MED19: variants seen among roughly 807,000 people sequenced by gnomAD.
MED19 encodes mediator of RNA polymerase II transcription subunit 19.
A neutral mutation model predicts 19.9 loss-of-function variants in MED19; 4 were observed. The observed-to-expected ratio is 0.20, with a 90% CI of 0.10 to 0.46. The LOEUF is 0.46. Among genes scored for constraint, MED19 ranks in the 20% least tolerant of loss-of-function variants. MED19 has a pLI of 0.99. For missense variants in MED19, 303 were observed against 318.7 expected, an observed-to-expected ratio of 0.95 and a Z score of 0.38; for synonymous variants, 139 against 119.6, an observed-to-expected ratio of 1.16 and a Z score of -1.06.
At chr11:57,712,008 A>C (rs1273023834) in exon 1 of MED19, 1 of 1,529,164 alleles carries the variant, frequency 6.5e-7, no homozygotes, top group South Asian at 1.2e-5. Flanking sequence ...CCAGCTCCTG[A>C]CTTGTCCGCG....
At chr11:57,712,098 G>C in exon 1 of MED19, 7 of 1,528,100 alleles carry the variant, frequency 4.6e-6, no homozygotes, top group Non-Finnish European at 6.2e-6. Flanking sequence ...GGGGGTGGAG[G>C]CTTTCCTGGT....
At chr11:57,708,073 A>C (rs901943809) in intron 1 of MED19, among the ~76,000 whole-genome samples, 2 of 152,004 alleles carry the variant, frequency 1.3e-5, no homozygotes, top group Non-Finnish European at 2.9e-5. Context: ...GACTCAAGCT[A>C]TCTGCCTGCC....
rs150163424 is a variant in MED19 at position 57,708,418 on chromosome 11, G to A, written c.218-3189C>T. On this transcript the variant is annotated intron_variant, in intron 1 of 4. Transcript: ENST00000431606. ...ATCCATCCAAATGGATCTCCTTATC[G>A]CCTCAAAAAAACACCCCTCACATTA... Among the ~76,000 whole-genome samples the A allele has an allele frequency of 5.7e-3, 872 of 151,832 alleles. 2 individuals carry two copies. Among genetic ancestry groups the A allele is most frequent in the Non-Finnish European group, 8.6e-3 (582 of 67,950 alleles).
intron 3 of MED19, 48 bp downstream of exon 3, chr11:57,704,671 T>G: frequency 2.3e-6 from 1 of 439,668 alleles, no homozygotes; most frequent in Non-Finnish European, 3.3e-6. Context: ...AAGGTCAGGT[T>G]TTTTTTTTTT....
chr11:57,708,515 A>G (rs1946532027), intron 1 of MED19, among the ~76,000 whole-genome samples: 1 of 152,200 alleles, frequency 6.6e-6, no homozygotes, highest in Non-Finnish European at 1.5e-5. Flanking sequence ...CTCAAGTGAC[A>G]TCTTATTCTC....
At chr11:57,712,190 G>C (rs955724324) in exon 1 of MED19, 2 of 1,509,474 alleles carry the variant, frequency 1.3e-6, no homozygotes, top group Non-Finnish European at 1.8e-6. Context: ...CGTACCCTCC[G>C]CCCCGGCGCT....
exon 1 of MED19, chr11:57,712,135 T>C (rs1348013171): frequency 6.5e-7 from 1 of 1,530,878 alleles, no homozygotes; most frequent in Non-Finnish European, 8.8e-7. Flanking sequence ...TTGGGGGCGG[T>C]GGTGGGTCAG....
Position 57,707,123 on chromosome 11 carries a change from G to A in MED19, c.218-1894C>T, listed in dbSNP as rs527383311. On this transcript the variant is annotated intron_variant, in intron 1 of 4. Transcript: ENST00000431606. ...TGAGGCAGAAGAACTGCTTGAACCC[G>A]GGAGGTGGAAGTTGCAGTGAGCTGA... Among the ~76,000 whole-genome samples, 7 of 151,904 alleles carry A rather than the reference G, an allele frequency of 4.6e-5. No homozygotes were observed. In the South Asian group the frequency reaches 8.3e-4, roughly 18 times the overall value.
chr11:57,708,522 TCTCA>T (rs1590880599), intron 1 of MED19, among the ~76,000 whole-genome samples: 1 of 152,340 alleles, frequency 6.6e-6, no homozygotes, highest in East Asian at 1.9e-4. Flanking sequence ...GACATCTTAT[TCTCA>T]CTGTCATTCT....
At chr11:57,710,957 G>A (rs1029639990) in intron 1 of MED19, among the ~76,000 whole-genome samples, 1 of 152,194 alleles carries the variant, frequency 6.6e-6, no homozygotes, top group Non-Finnish European at 1.5e-5. Flanking sequence ...CTCCCAAAGC[G>A]CTGGGATTAC....
chr11:57,712,062 G>A (rs576843245), exon 1 of MED19: 360 of 1,532,794 alleles, frequency 2.3e-4, no homozygotes, highest in Non-Finnish European at 1.6e-4. Flanking sequence ...GCCGTGCCGG[G>A]TCCCCCGCCC....
chr11:57,704,761 G>A, exon 3 of MED19: 2 of 1,588,214 alleles, frequency 1.3e-6, no homozygotes, highest in Non-Finnish European at 1.7e-6. Flanking sequence ...TTGTGCTTGT[G>A]CTTATTCTTC....
intron 1 of MED19, among the ~76,000 whole-genome samples, chr11:57,708,767 C>T (rs1590880730): frequency 6.6e-6 from 1 of 152,182 alleles, no homozygotes; most frequent in Admixed American, 6.6e-5. Context: ...CAGCATTTGC[C>T]CAGAACATAT....
At chr11:57,705,566 A>G (rs568906663) in intron 1 of MED19, among the ~76,000 whole-genome samples, 1 of 151,960 alleles carries the variant, frequency 6.6e-6, no homozygotes, top group African/African-American at 2.4e-5. Flanking sequence ...GGGCAGGACA[A>G]TCACTTGAAC....
At chr11:57,710,106 A>C (rs1946547901) in intron 1 of MED19, among the ~76,000 whole-genome samples, 1 of 152,224 alleles carries the variant, frequency 6.6e-6, no homozygotes, top group Non-Finnish European at 1.5e-5. Context: ...TCAGACCTAT[A>C]ATCCTAGCAC....
chr11:57,709,422 C>T (rs992361175), intron 1 of MED19, among the ~76,000 whole-genome samples: 4 of 151,838 alleles, frequency 2.6e-5, no homozygotes, highest in African/African-American at 7.3e-5. Flanking sequence ...CCAAACATGT[C>T]CAAAATAACT....
Position 57,704,109 on chromosome 11 carries a change from G to T in MED19, c.667-3C>A, listed in dbSNP as rs1306132415. 2 of 1,536,136 alleles carry T rather than the reference G, an allele frequency of 1.3e-6. No individual in the cohort carries two copies. The highest frequency in any genetic ancestry group is 1.7e-6 in the Non-Finnish European group (2 of 1,146,916). On this transcript the variant is annotated splice_polypyrimidine_tract_variant and splice_region_variant and intron_variant, in intron 4 of 4. Coordinates refer to ENST00000431606, the Ensembl canonical transcript of MED19. ...GGGTGGTCTGGACTATGTCGATTCTGGGGGAGAAAGAAGCAGGGTAAGAAC... is the reference window on the plus strand; with the variant it reads ...GGGTGGTCTGGACTATGTCGATTCTTGGGGAGAAAGAAGCAGGGTAAGAAC...
At chr11:57,704,244 G>A in intron 4 of MED19, 58 bp downstream of exon 4, 1 of 1,528,800 alleles carries the variant, frequency 6.5e-7, no homozygotes. Flanking sequence ...AGGGTATTTA[G>A]GACAGGGGTG....
chr11:57,709,041 C>T (rs1432396957), intron 1 of MED19, among the ~76,000 whole-genome samples: 1 of 152,170 alleles, frequency 6.6e-6, no homozygotes, highest in African/African-American at 2.4e-5. Context: ...ATATTTGTTG[C>T]TATTTCCCTC....
Sources: gnomAD v4.1 joint callset for allele counts (sites outside exome capture counted in the v4.1 genomes callset) on GRCh38, gnomAD v4.1.1 for gene constraint, MANE v1.5 for transcripts, NCBI Gene and HGNC (gene_info 2026-07-23, HGNC 2026-07-21) for gene names.